PHLPP1: variants seen among roughly 807,000 people sequenced by gnomAD.
PHLPP1 encodes the protein PH domain leucine-rich repeat-containing protein phosphatase 1.
PHLPP1 carries 42 observed loss-of-function variants against 117.2 expected under a neutral mutation model. That is an observed-to-expected ratio of 0.36 (90% CI 0.28 to 0.46). The LOEUF (loss-of-function observed/expected upper bound fraction) is 0.46, where lower values mean the gene tolerates loss of function less well. Among genes scored for constraint, PHLPP1 ranks in the 20% least tolerant of loss-of-function variants. PHLPP1 has a pLI of 1.00. For missense variants in PHLPP1, 2,084 were observed against 2,241.9 expected, an observed-to-expected ratio of 0.93 and a Z score of 1.42; for synonymous variants, 1,042 against 970.7, an observed-to-expected ratio of 1.07 and a Z score of -1.37.
At chr18:62,930,367 A>C (rs1271976054) in intron 10 of PHLPP1, among the ~76,000 whole-genome samples, 1 of 152,174 alleles carries the variant, frequency 6.6e-6, no homozygotes, top group Non-Finnish European at 1.5e-5. Flanking sequence ...CTATAGACTC[A>C]AAGTAAAGGG....
chr18:62,871,954 T>A (rs80157580), intron 4 of PHLPP1, among the ~76,000 whole-genome samples: 2,074 of 152,094 alleles, frequency 0.014, 41 homozygotes, highest in African/African-American at 0.048. Context: ...CTAGCTCTTA[T>A]AAATGTGCCA....
In PHLPP1 at chr18:62,756,489, A is replaced by G. The variant is rs138009264; in HGVS notation, c.1576+39230A>G. The stretch of plus-strand genomic sequence containing the variant: ...CATTGAGAATCCAGAAGTGGTTGGG[A>G]TCTAGACAATATGTGGTATGATGAG... On this transcript the variant is annotated intron_variant, in intron 1 of 16. Transcript: ENST00000262719. 5.9e-5 allele frequency among the ~76,000 whole-genome samples: 9 copies of G among 152,300 alleles called. No homozygotes were observed. The East Asian group carries it at 1.7e-3, about 29-fold the overall frequency.
At chr18:62,966,572 G>A (rs957785264) in intron 14 of PHLPP1, among the ~76,000 whole-genome samples, 1 of 148,530 alleles carries the variant, frequency 6.7e-6, no homozygotes, top group Non-Finnish European at 1.5e-5. Flanking sequence ...CCGGGTTCAC[G>A]CCATTCTCCT....
At chr18:62,935,069 G>A (rs989581795) in intron 10 of PHLPP1, among the ~76,000 whole-genome samples, 3 of 152,250 alleles carry the variant, frequency 2.0e-5, no homozygotes, top group Admixed American at 6.5e-5. Flanking sequence ...AGGCATGAGC[G>A]TTGGGTAAAG....
intron 4 of PHLPP1, among the ~76,000 whole-genome samples, chr18:62,860,979 G>A (rs563958107): frequency 3.3e-5 from 5 of 152,194 alleles, no homozygotes; most frequent in Admixed American, 1.3e-4. Context: ...TTTATGAAAG[G>A]TCATTTTTTC....
chr18:62,865,107 T>G (rs1915739303), intron 4 of PHLPP1, among the ~76,000 whole-genome samples: 1 of 152,174 alleles, frequency 6.6e-6, no homozygotes, highest in African/African-American at 2.4e-5. Flanking sequence ...GAAGCTGGCT[T>G]GAGACCAGGA....
chr18:62,847,573 G>A (rs1915213686), intron 3 of PHLPP1, among the ~76,000 whole-genome samples: 1 of 152,272 alleles, frequency 6.6e-6, no homozygotes. Context: ...GTTGTAAAAT[G>A]TTGTTTTAAT....
At chr18:62,913,536 A>G (rs752652707) in intron 8 of PHLPP1, among the ~76,000 whole-genome samples, 22 of 152,302 alleles carry the variant, frequency 1.4e-4, no homozygotes, top group Non-Finnish European at 2.5e-4. Context: ...ATGTTTTCAC[A>G]GAATTACTCA....
intron 1 of PHLPP1, among the ~76,000 whole-genome samples, chr18:62,807,388 G>T (rs1010763676): frequency 6.6e-6 from 1 of 152,160 alleles, no homozygotes; most frequent in African/African-American, 2.4e-5. Context: ...ACAATCGTAT[G>T]TATTGAGTAT....
chr18:62,772,747 C>T (rs1179565344), intron 1 of PHLPP1, among the ~76,000 whole-genome samples: 1 of 146,390 alleles, frequency 6.8e-6, no homozygotes, highest in Admixed American at 6.9e-5. Context: ...ATGAGAATGG[C>T]TTGAACCTGG....
rs753694226 is a variant in PHLPP1 at position 62,978,892 on chromosome 18, G to A, written c.4615G>A (p.Ala1539Thr). ...RQLSSATFSSAFSDNGLDSDD... is the reference protein window; with the variant it reads ...RQLSSATFSSTFSDNGLDSDD... Reference sequence around the variant, plus strand: ...GCTATCCAGCGCCACGTTCTCTAGCGCCTTCTCCGACAACGGCCTTGACAG... The same window carrying A: ...GCTATCCAGCGCCACGTTCTCTAGCACCTTCTCCGACAACGGCCTTGACAG... Residue 1539 changes from alanine (A) to threonine (T), a missense_variant, in exon 17 of 17, where the codon GCC becomes ACC. Coordinates refer to ENST00000262719, the MANE Select transcript of PHLPP1 (RefSeq NM_194449.4). This position sits in a 1 kb window ranked among gnomAD's most constrained non-coding sequence, Gnocchi z 7.0. The A allele has an allele frequency of 1.5e-5, 24 of 1,606,912 alleles. No individual in the cohort carries two copies. The highest frequency in any genetic ancestry group is 3.3e-5 in the South Asian group (3 of 89,722).
chr18:62,804,083 G>T (rs916951690), intron 1 of PHLPP1, among the ~76,000 whole-genome samples: 1 of 152,128 alleles, frequency 6.6e-6, no homozygotes, highest in Non-Finnish European at 1.5e-5. Context: ...TGGCTGGAAG[G>T]ACCTCAGGAA....
In PHLPP1 at chr18:62,970,637, T is replaced by C. The variant is rs894849871; in HGVS notation, c.3561-1877T>C. Among the ~76,000 whole-genome samples the C allele has an allele frequency of 3.9e-5, 6 of 151,930 alleles. No homozygotes were observed. In the East Asian group the frequency reaches 7.7e-4, roughly 20 times the overall value. ...AAAATTAGCTGGGCGTGGTGGCGGG[T>C]GCCTGTAATCCCAGCTACTCAGGAG... On this transcript the variant is annotated intron_variant, in intron 14 of 16. Coordinates refer to ENST00000262719, the MANE Select transcript of PHLPP1 (RefSeq NM_194449.4).
chr18:62,821,457 G>A (rs1453523068), intron 1 of PHLPP1, among the ~76,000 whole-genome samples: 1 of 149,828 alleles, frequency 6.7e-6, no homozygotes, highest in Non-Finnish European at 1.5e-5. Context: ...GCTGGGCTGG[G>A]AGAATCACTT....
intron 1 of PHLPP1, among the ~76,000 whole-genome samples, chr18:62,821,603 T>C (rs78354784): frequency 0.067 from 9,446 of 140,078 alleles, 436 homozygotes; most frequent in Non-Finnish European, 0.1. Context: ...GATCAGTGAA[T>C]ATAAAACCTT....
chr18:62,806,760 A>G (rs1223595927), intron 1 of PHLPP1, among the ~76,000 whole-genome samples: 2 of 152,292 alleles, frequency 1.3e-5, no homozygotes, highest in African/African-American at 2.4e-5. Flanking sequence ...ATTTATCTAC[A>G]TGGAACTTTG....
intron 1 of PHLPP1, among the ~76,000 whole-genome samples, chr18:62,742,624 C>T (rs755392487): frequency 5.3e-5 from 8 of 152,254 alleles, no homozygotes; most frequent in Admixed American, 1.3e-4. Context: ...TCAGTAGAGA[C>T]GGGGTTTCAC....
intron 1 of PHLPP1, among the ~76,000 whole-genome samples, chr18:62,808,558 T>G (rs917716856): frequency 2.8e-5 from 4 of 144,572 alleles, no homozygotes; most frequent in Middle Eastern, 3.8e-3. Context: ...TTTTTTTTTG[T>G]TTTTTTTTTT....
At chr18:62,965,313 C>T (rs1303237519) in intron 14 of PHLPP1, among the ~76,000 whole-genome samples, 2 of 152,132 alleles carry the variant, frequency 1.3e-5, no homozygotes, top group Admixed American at 6.5e-5. Flanking sequence ...ACTGGTTGTC[C>T]TCTCTCCGAA....
Sources: gnomAD v4.1 joint callset for allele counts (sites outside exome capture counted in the v4.1 genomes callset) on GRCh38, gnomAD v4.1.1 for gene constraint, Gnocchi (gnomAD v3.1) non-coding constraint, MANE v1.5 for transcripts, NCBI Gene and HGNC (gene_info 2026-07-23, HGNC 2026-07-21) for gene names.